The following SYT14 variants were observed in gnomAD, a reference collection of about 807,000 sequenced individuals.
SYT14 encodes synaptotagmin 14.
Under a neutral mutation model 74.2 loss-of-function variants are expected in SYT14, and 32 were observed. The ratio of observed to expected loss-of-function variants is 0.43; its 90% CI spans 0.33 to 0.58. The LOEUF (loss-of-function observed/expected upper bound fraction) is 0.58, where lower values mean the gene tolerates loss of function less well. SYT14 is among the 20% of genes least tolerant of loss of function. The pLI, the probability that SYT14 is intolerant of heterozygous loss-of-function variation, is 0.05. For synonymous variants in SYT14, 298 were observed against 337.7 expected (o/e 0.88, Z 1.29); for missense variants, 791 against 981.8 (o/e 0.81, Z 2.60).
chr1:209,948,440 T>C (rs2078856845), intron 1 of SYT14, among the ~76,000 whole-genome samples: 1 of 152,244 alleles, frequency 6.6e-6, no homozygotes, highest in Non-Finnish European at 1.5e-5. Flanking sequence ...TGCATTTTGC[T>C]CCTGCATGGG....
intron 6 of SYT14, among the ~76,000 whole-genome samples, chr1:210,095,089 G>A (rs2081946741): frequency 1.3e-5 from 2 of 152,050 alleles, no homozygotes; most frequent in Admixed American, 1.3e-4. Flanking sequence ...TGGCTGGTTG[G>A]TTGAGCTTTA....
intron 2 of SYT14, among the ~76,000 whole-genome samples, chr1:210,009,609 T>C (rs1277389509): frequency 6.6e-6 from 1 of 152,088 alleles, no homozygotes; most frequent in African/African-American, 2.4e-5. Context: ...TTTGCCAGCT[T>C]GGTATTATTT....
chr1:210,103,291 C>T (rs2082101915), intron 7 of SYT14, among the ~76,000 whole-genome samples: 1 of 152,180 alleles, frequency 6.6e-6, no homozygotes, highest in East Asian at 1.9e-4. Flanking sequence ...TGGCTCACAC[C>T]TGTATTCCCA....
chr1:210,070,598 C>T (rs2081373944), intron 5 of SYT14, among the ~76,000 whole-genome samples: 1 of 152,078 alleles, frequency 6.6e-6, no homozygotes, highest in Non-Finnish European at 1.5e-5. Flanking sequence ...CTTCTCAAGG[C>T]CTATGGAGTT....
intron 7 of SYT14, among the ~76,000 whole-genome samples, chr1:210,109,683 G>T (rs956597875): frequency 6.6e-6 from 1 of 152,142 alleles, no homozygotes; most frequent in African/African-American, 2.4e-5. Flanking sequence ...GTGTAAATTA[G>T]TTCAGCCATT....
intron 7 of SYT14, among the ~76,000 whole-genome samples, chr1:210,129,079 A>G (rs747596648): frequency 2.0e-4 from 31 of 152,196 alleles, no homozygotes; most frequent in Admixed American, 3.9e-4. Context: ...AAATATTAAG[A>G]AAAGTTTCCT....
intron 7 of SYT14, among the ~76,000 whole-genome samples, chr1:210,135,207 CCTGGCCTCAAGTGATCCA>C (rs1235005794): frequency 6.6e-6 from 1 of 152,152 alleles, no homozygotes; most frequent in Non-Finnish European, 1.5e-5. Context: ...GTCTCAAATT[CCTGGCCTCAAGTGATCCA>C]CTGGCCTCAC....
chr1:209,968,393 C>CTA (rs1297568765), intron 2 of SYT14, among the ~76,000 whole-genome samples: 1 of 151,584 alleles, frequency 6.6e-6, no homozygotes. Context: ...ATGGATAGTA[C>CTA]TCCATATGGA....
exon 10 of SYT14, chr1:210,163,825 A>G (rs1329656485): frequency 2.2e-6 from 1 of 453,712 alleles, no homozygotes; most frequent in African/African-American, 2.0e-5. Flanking sequence ...TTGAATTTGC[A>G]TGAAAGCTTA....
chr1:210,013,612 T>G (rs554651530), intron 2 of SYT14, 21 bp from the exon 3 acceptor site: 1 of 1,607,636 alleles, frequency 6.2e-7, no homozygotes, highest in East Asian at 2.2e-5. Context: ...TGCTTACAGC[T>G]GTGACTTTTT....
intron 2 of SYT14, among the ~76,000 whole-genome samples, chr1:209,992,523 A>T (rs986920476): frequency 6.6e-6 from 1 of 152,166 alleles, no homozygotes; most frequent in Non-Finnish European, 1.5e-5. Flanking sequence ...GACATTGGCA[A>T]CTCAGTAGGA....
intron 2 of SYT14, among the ~76,000 whole-genome samples, chr1:209,992,372 C>CT (rs1201720773): frequency 6.6e-6 from 1 of 152,162 alleles, no homozygotes; most frequent in East Asian, 1.9e-4. Flanking sequence ...GAAATCTTGT[C>CT]TTTTGCAGCA....
intron 5 of SYT14, among the ~76,000 whole-genome samples, chr1:210,079,135 C>G (rs1027816395): frequency 6.6e-6 from 1 of 151,858 alleles, no homozygotes; most frequent in African/African-American, 2.4e-5. Flanking sequence ...CCTTGTAAAA[C>G]TATCTAGGTC....
intron 5 of SYT14, among the ~76,000 whole-genome samples, chr1:210,035,898 G>T (rs1382437626): frequency 1.3e-5 from 2 of 151,882 alleles, no homozygotes; most frequent in Admixed American, 6.6e-5. Flanking sequence ...GCTTCTTGTT[G>T]GTTCTATCTG....
At chr1:210,123,004 C>T (rs1327036279) in intron 7 of SYT14, among the ~76,000 whole-genome samples, 4 of 152,252 alleles carry the variant, frequency 2.6e-5, no homozygotes, top group Admixed American at 2.6e-4. Flanking sequence ...GTTCCTGAAT[C>T]CAAGTGTTTA....
chr1:210,093,525 G>A lies in SYT14; in HGVS notation c.1313-797G>A, dbSNP rs561268910. 7.9e-5 allele frequency among the ~76,000 whole-genome samples: 12 copies of A among 152,214 alleles called. No individual in the cohort carries two copies. In the South Asian group the frequency reaches 2.1e-3, roughly 26 times the overall value. ...GCAGATATGTTTATTCTCAATCACC[G>A]AGGTAAATCATTGAGGTAAAAATTA... On this transcript the variant is annotated intron_variant, in intron 5 of 9. Coordinates refer to ENST00000637265, the Ensembl canonical transcript of SYT14.
At chr1:210,032,277 C>A (rs533340737) in intron 5 of SYT14, among the ~76,000 whole-genome samples, 5 of 152,134 alleles carry the variant, frequency 3.3e-5, no homozygotes, top group African/African-American at 1.2e-4. Context: ...CTTCCATAGC[C>A]TTAGGAAAAA....
rs944442620 is a variant in SYT14 at position 210,099,425 on chromosome 1, A to G, written c.1585-587A>G. On this transcript the variant is annotated intron_variant, in intron 6 of 9. Coordinates refer to ENST00000637265, the Ensembl canonical transcript of SYT14. ...TTAGAAATTGAAGTAAATACAGTCT[A>G]TGTTATGGAAAGTAAATATTTGACC... Among the ~76,000 whole-genome samples the G allele has an allele frequency of 5.3e-5, 8 of 152,200 alleles. No individual in the cohort carries two copies. The East Asian group carries it at 1.3e-3, about 26-fold the overall frequency.
At chr1:210,159,677 C>A (rs1281452248) in intron 9 of SYT14, among the ~76,000 whole-genome samples, 200 bp downstream of exon 8, 1 of 152,104 alleles carries the variant, frequency 6.6e-6, no homozygotes, top group Non-Finnish European at 1.5e-5. Context: ...ATGAAATAAG[C>A]AAAACTTTTT....
Sources: allele counts gnomAD v4.1 joint callset (sites outside exome capture counted in the v4.1 genomes callset), GRCh38; gene constraint gnomAD v4.1.1; transcripts MANE v1.5; gene names NCBI Gene and HGNC (gene_info 2026-07-23, HGNC 2026-07-21).